The following HYDIN variants were observed in gnomAD, a reference collection of about 807,000 sequenced individuals.
HYDIN encodes axonemal central pair apparatus protein HYDIN.
HYDIN carries 132 observed loss-of-function variants against 403.9 expected under a neutral mutation model. The observed-to-expected ratio is 0.33, with a 90% CI of 0.28 to 0.38. The LOEUF (loss-of-function observed/expected upper bound fraction) is 0.38. HYDIN is among the 10% of genes least tolerant of loss of function. The probability of loss-of-function intolerance (pLI) is 1.00; values close to 1 mark genes in which losing one functional copy is unlikely to be tolerated. For synonymous variants in HYDIN, 1,202 were observed against 1,891.7 expected (o/e 0.64, Z 9.46); for missense variants, 2,827 against 5,009.5 (o/e 0.56, Z 13.15).
At chr16:70,883,792 A>G (rs2040955705) in intron 59 of HYDIN, 128 bp downstream of exon 59, 9 of 1,168,456 alleles carry the variant, frequency 7.7e-6, no homozygotes, top group Non-Finnish European at 1.1e-5. Flanking sequence ...GCTGGTCTCA[A>G]ACTCCTGACC....
rs112181099 is a variant in HYDIN, at chr16:71,028,533, G to T, written c.2769-658C>A. Among the ~76,000 whole-genome samples the T allele has an allele frequency of 5.7e-3, 815 of 141,852 alleles. 4 individuals are homozygous for T. Among genetic ancestry groups the T allele is most frequent in the Middle Eastern group, 7.2e-3 (2 of 276 alleles). 93.1% of individuals were successfully genotyped at this position (141,852 alleles called of 152,430 possible). On this transcript the variant is annotated intron_variant, in intron 19 of 85. Transcript: ENST00000393567. ...AAAAACTGGGATTTCTAAGATCTCG[G>T]ATATGGTTCAAATGTGTTTTTGTTT...
chr16:71,182,414 G>A (rs557731618), intron 3 of HYDIN, among the ~76,000 whole-genome samples: 2 of 152,224 alleles, frequency 1.3e-5, no homozygotes, highest in African/African-American at 4.8e-5. Flanking sequence ...TGGAATGGTG[G>A]TGGAGAACAT....
chr16:70,821,341 C>T (rs2036246281), intron 83 of HYDIN, among the ~76,000 whole-genome samples: 1 of 151,696 alleles, frequency 6.6e-6, no homozygotes, highest in Non-Finnish European at 1.5e-5. Flanking sequence ...TCCCTTCAGA[C>T]TGAAGAAGAT....
intron 4 of HYDIN, among the ~76,000 whole-genome samples, chr16:71,178,146 A>G (rs2086747127): frequency 6.6e-6 from 1 of 152,188 alleles, no homozygotes; most frequent in Non-Finnish European, 1.5e-5. Context: ...TCGGCCAGGC[A>G]CGGTGGCTCA....
chr16:70,839,342 G>C (rs1204347758), intron 76 of HYDIN, among the ~76,000 whole-genome samples: 1 of 145,036 alleles, frequency 6.9e-6, no homozygotes. Context: ...TTTGAACTTA[G>C]ATCTGTGCTA....
At chr16:70,933,470 G>C (rs543242676) in intron 45 of HYDIN, 110 of 149,320 alleles carry the variant, frequency 7.4e-4, no homozygotes, top group African/African-American at 2.5e-3. Context: ...AAGGGCTTGG[G>C]AGGCAGTGCA....
intron 2 of HYDIN, among the ~76,000 whole-genome samples, chr16:71,186,240 T>C (rs566334536): frequency 3.9e-5 from 6 of 152,274 alleles, no homozygotes; most frequent in African/African-American, 1.4e-4. Flanking sequence ...ATGTGGTTCA[T>C]AAATTATCAC....
chr16:70,959,788 T>C lies in HYDIN; in HGVS notation c.6001A>G (p.Met2001Val). Residue 2001 changes from methionine to valine, a missense_variant, in exon 39 of 86, where the codon ATG (methionine) becomes GTG (valine). Met to Val is a conservative substitution (Grantham distance 21). Coordinates refer to ENST00000393567, the MANE Select transcript of HYDIN (RefSeq NM_001270974.2). ...DKLQSIDSHS[M>V]EEVGEVENNP... ...TTTTCCACCTCTCCAACTTCCTCCATGGAGTGGCTGTCAATGCTCTGAAGC... is the reference window on the plus strand; with the variant it reads ...TTTTCCACCTCTCCAACTTCCTCCACGGAGTGGCTGTCAATGCTCTGAAGC... The C allele has an allele frequency of 1.1e-6, 1 of 916,516 alleles. No individual in the cohort carries two copies. 56.8% of individuals were successfully genotyped at this position (916,516 alleles called of 1,614,324 possible). A position where few individuals can be genotyped will look rare whatever the true frequency, so the allele number is the denominator to read the frequency against.
chr16:70,993,218 G>A (rs1027882481), intron 23 of HYDIN, among the ~76,000 whole-genome samples: 27 of 152,090 alleles, frequency 1.8e-4, no homozygotes, highest in Non-Finnish European at 2.8e-4. Flanking sequence ...AAATTTCAGG[G>A]ATCCTAGAGT....
At chr16:71,077,770 TA>T (rs1312853982) in intron 13 of HYDIN, among the ~76,000 whole-genome samples, 3 of 151,704 alleles carry the variant, frequency 2.0e-5, no homozygotes, top group African/African-American at 7.3e-5. Context: ...CTAATATTAC[TA>T]AATATACATT....
chr16:71,130,023 A>G (rs1349667869), intron 8 of HYDIN, among the ~76,000 whole-genome samples, 200 bp from the exon 9 acceptor site: 2 of 151,392 alleles, frequency 1.3e-5, no homozygotes, highest in African/African-American at 4.8e-5. Flanking sequence ...ATCTTCAACC[A>G]CCTTCTTTAA....
chr16:71,149,189 C>A (rs1241243583), intron 7 of HYDIN, among the ~76,000 whole-genome samples: 1 of 151,574 alleles, frequency 6.6e-6, no homozygotes, highest in Non-Finnish European at 1.5e-5. Context: ...CACTCAACAT[C>A]ATTCATTATT....
At chr16:70,921,553 C>G (rs539009694) in intron 45 of HYDIN, among the ~76,000 whole-genome samples, 96 of 152,302 alleles carry the variant, frequency 6.3e-4, no homozygotes, top group Middle Eastern at 3.4e-3. Flanking sequence ...GCCATATGCA[C>G]CTGCCTCAGG....
intron 1 of HYDIN, among the ~76,000 whole-genome samples, chr16:71,219,370 A>T (rs1431650159): frequency 6.6e-6 from 1 of 152,144 alleles, no homozygotes; most frequent in South Asian, 2.1e-4. Context: ...TGCTTTTTCT[A>T]GTCATTTCAC....
At chr16:71,036,110 AAC>A (rs1379544974) in intron 18 of HYDIN, among the ~76,000 whole-genome samples, 1 of 152,194 alleles carries the variant, frequency 6.6e-6, no homozygotes, top group African/African-American at 2.4e-5. Flanking sequence ...ATCTTCCCCC[AAC>A]TCTCCCAGAT....
chr16:71,192,180 A>G (rs1460473483), intron 1 of HYDIN, among the ~76,000 whole-genome samples: 6 of 152,148 alleles, frequency 3.9e-5, no homozygotes, highest in Non-Finnish European at 8.8e-5. Context: ...TGATCATGAC[A>G]TGATTCTGCC....
At chr16:70,809,711 G>T in intron 85 of HYDIN, 72 bp downstream of exon 85, 1 of 1,183,496 alleles carries the variant, frequency 8.4e-7, no homozygotes, top group Non-Finnish European at 1.3e-6. Flanking sequence ...TGCTCCCTGT[G>T]TCTCCTCTCA....
intron 12 of HYDIN, chr16:71,081,118 T>A (rs1321975856): frequency 1.3e-5 from 2 of 152,014 alleles, no homozygotes; most frequent in Non-Finnish European, 2.9e-5. Flanking sequence ...GCTACTAAAT[T>A]TGTGATAATT....
At chr16:70,908,955 T>C (rs2076614425) in intron 47 of HYDIN, 94 bp from the exon 48 acceptor site, 2 of 1,505,962 alleles carry the variant, frequency 1.3e-6, no homozygotes, top group Non-Finnish European at 1.8e-6. Flanking sequence ...TCTGGGGAGA[T>C]GGTGCTGCAG....
Sources: allele counts gnomAD v4.1 joint callset (sites outside exome capture counted in the v4.1 genomes callset), GRCh38; gene constraint gnomAD v4.1.1; transcripts MANE v1.5; gene names NCBI Gene and HGNC (gene_info 2026-07-23, HGNC 2026-07-21).